SLC41A1: variants seen among roughly 807,000 people sequenced by gnomAD.
SLC41A1 encodes the protein solute carrier family 41 (magnesium transporter), member 1.
SLC41A1 carries 20 observed loss-of-function variants against 47.3 expected under a neutral mutation model. The observed-to-expected ratio is 0.42, with a 90% CI of 0.30 to 0.61. The LOEUF is 0.61. Ranked by LOEUF, SLC41A1 falls within the 20% of genes least tolerant of loss-of-function variation. The pLI, the probability that SLC41A1 is intolerant of heterozygous loss-of-function variation, is 0.17. For missense variants in SLC41A1, 504 were observed against 674.1 expected (o/e 0.75, Z 2.79); for synonymous variants, 282 against 272.7 (o/e 1.03, Z -0.34).
chr1:205,806,652 C>G (rs914074413), intron 2 of SLC41A1, among the ~76,000 whole-genome samples: 3 of 152,184 alleles, frequency 2.0e-5, no homozygotes, highest in Non-Finnish European at 2.9e-5. Flanking sequence ...AGCCTGCTTC[C>G]CTTCCAGATG....
intron 2 of SLC41A1, among the ~76,000 whole-genome samples, chr1:205,802,254 G>C (rs1055091456): frequency 6.6e-5 from 10 of 152,112 alleles, no homozygotes; most frequent in African/African-American, 2.4e-4. Context: ...TCTCCTACAG[G>C]AGACAGCAGG....
Position 205,791,629 on chromosome 1 carries a change from C to G in SLC41A1, c.1446G>C (p.Leu482Phe). 1.2e-6 allele frequency: 2 copies of G among 1,614,112 alleles called. No individual in the cohort carries two copies. Among genetic ancestry groups the G allele is most frequent in the Non-Finnish European group, 1.7e-6 (2 of 1,180,028 alleles). Residue 482 changes from leucine (L) to phenylalanine (F), a missense_variant, in exon 11 of 11, where the codon TTG becomes TTC. Transcript: ENST00000367137. The surrounding 1 kb of genome is among the most constrained non-coding windows in gnomAD (Gnocchi z 4.0). ...LDPDNFSIPY[L>F]TALGDLLGTG... is the part of the protein sequence containing the mutation. ...TGCCAAGCAGGTCCCCCAGAGCAGT[C>G]AAGTATGGGATGGAGAAGTTGTCCG...
chr1:205,790,831 T>G lies in SLC41A1; in HGVS notation c.*702A>C, dbSNP rs529235804. 1.3e-5 allele frequency: 2 copies of G among 153,976 alleles called. No homozygotes were observed. Among genetic ancestry groups the G allele is most frequent in the East Asian group, 3.8e-4 (2 of 5,196 alleles). The allele number at this position is 153,976 out of a possible 1,614,324, so 9.5% of individuals were successfully genotyped here. A position where few individuals can be genotyped will look rare whatever the true frequency, so the allele number is the denominator to read the frequency against. ...GAGAAGAGTGCACTGTTCCATTTTT[T>G]CCTGGATATGACAATCAACTGGAAA... On this transcript the variant is annotated 3_prime_UTR_variant, in exon 11 of 11. Coordinates refer to ENST00000367137, the MANE Select transcript of SLC41A1 (RefSeq NM_173854.6).
Position 205,791,709 on chromosome 1 carries a change from G to A in SLC41A1, c.1366C>T (p.Leu456Phe), listed in dbSNP as rs371831150. The A allele has an allele frequency of 3.1e-6, 5 of 1,613,694 alleles. No individual in the cohort carries two copies. In the Admixed American group the frequency reaches 6.7e-5, roughly 22 times the overall value. Residue 456 changes from leucine to phenylalanine, a missense_variant, in exon 11 of 11, where the codon CTC (leucine) becomes TTC (phenylalanine). Leu to Phe is a conservative substitution (Grantham distance 22). Around this residue, in one of 2 missense-constraint regions of SLC41A1, gnomAD observed 421 missense variants for 601.6 expected, o/e 0.70. Coordinates refer to ENST00000367137, the MANE Select transcript of SLC41A1 (RefSeq NM_173854.6). The surrounding 1 kb of genome is among the most constrained non-coding windows in gnomAD (Gnocchi z 4.0). ...ACCATCCAGTCTGCGATGTACAGGA[G>A]AATCAGCACCTGGGGAGACAAAAGG... Reference protein sequence around the residue: ...MTAALLQVLILLYIADWMVHW... With the variant: ...MTAALLQVLIFLYIADWMVHW...
At position 205,812,913 on chromosome 1, in the gene SLC41A1, T is replaced by A. The variant is rs1656193900; in HGVS notation, c.-752A>T. On this transcript the variant is annotated 5_prime_UTR_variant, in exon 1 of 11. Transcript: ENST00000367137. Reference sequence around the variant, plus strand: ...TCTTCTCATCACTCCTCCTCGACAGTCCTCCTTGGCCCCCGGCGTGCCCCC... The same window carrying A: ...TCTTCTCATCACTCCTCCTCGACAGACCTCCTTGGCCCCCGGCGTGCCCCC... The A allele has an allele frequency of 1.0e-6, 1 of 985,196 alleles. No homozygotes were observed. Among genetic ancestry groups the A allele is most frequent in the African/African-American group, 1.7e-5 (1 of 57,152 alleles). 61.0% of individuals were successfully genotyped at this position (985,196 alleles called of 1,614,324 possible).
In SLC41A1 at chr1:205,798,114, G is replaced by T. The variant is rs549568859; in HGVS notation, c.845-63C>A. 7.5e-6 allele frequency: 12 copies of T among 1,609,166 alleles called. No individual in the cohort carries two copies. In the African/African-American group the frequency reaches 1.5e-4, roughly 20 times the overall value. Reference sequence around the variant, plus strand: ...TTTCCCTACCCTAAGTTTCTCCCTGGCTCAGCCTGAAAATGTCCCAACAGA... The same window carrying T: ...TTTCCCTACCCTAAGTTTCTCCCTGTCTCAGCCTGAAAATGTCCCAACAGA... On this transcript the variant is annotated intron_variant, in intron 6 of 10. Coordinates refer to ENST00000367137, the MANE Select transcript of SLC41A1 (RefSeq NM_173854.6).
intron 8 of SLC41A1, 51 bp from the exon 9 acceptor site, chr1:205,795,529 T>C (rs1382890953): frequency 1.2e-6 from 2 of 1,605,088 alleles, no homozygotes. Context: ...GAGGGAGGAG[T>C]GGGAACAAAA....
At chr1:205,802,292 C>A (rs1297946767) in intron 2 of SLC41A1, among the ~76,000 whole-genome samples, 1 of 152,196 alleles carries the variant, frequency 6.6e-6, no homozygotes, top group African/African-American at 2.4e-5. Flanking sequence ...CTCCCCAGTA[C>A]ACCTCCTCAC....
intron 1 of SLC41A1, 120 bp downstream of exon 1, chr1:205,812,688 G>T (rs529844367): frequency 2.1e-6 from 2 of 953,942 alleles, no homozygotes; most frequent in Admixed American, 6.2e-5. Context: ...CGAGGAGGGA[G>T]AGAAAGTAAC....
chr1:205,794,325 T>A (rs1328310403), intron 10 of SLC41A1, among the ~76,000 whole-genome samples: 1 of 152,228 alleles, frequency 6.6e-6, no homozygotes, highest in African/African-American at 2.4e-5. Context: ...GAGAACTTCT[T>A]ACAAATCTGT....
At chr1:205,806,119 A>G (rs1039809749) in intron 2 of SLC41A1, among the ~76,000 whole-genome samples, 1 of 152,212 alleles carries the variant, frequency 6.6e-6, no homozygotes, top group Non-Finnish European at 1.5e-5. Context: ...GGCATCCTCT[A>G]GGTGTCCAGG....
chr1:205,810,262 A>C lies in SLC41A1; in HGVS notation c.180T>G (p.Val60=). The C allele has an allele frequency of 6.2e-7, 1 of 1,614,098 alleles. No homozygotes were observed. Among genetic ancestry groups the C allele is most frequent in the Non-Finnish European group, 8.5e-7 (1 of 1,180,010 alleles). Residue 60 remains valine (V), a synonymous_variant, in exon 2 of 11, where the codon GTT becomes GTG. Coordinates refer to ENST00000367137, the MANE Select transcript of SLC41A1 (RefSeq NM_173854.6). This position sits in a 1 kb window ranked among gnomAD's most constrained non-coding sequence, Gnocchi z 5.5. ...VIESRANAKG[V]REEDALLENG... is the part of the protein sequence containing the mutation. ...TCTCCAGCAGGGCGTCCTCCTCCCG[A>C]ACCCCCTTGGCGTTGGCCCGAGACT...
At chr1:205,800,726 C>A (rs1473522928) in intron 3 of SLC41A1, among the ~76,000 whole-genome samples, 3 of 152,118 alleles carry the variant, frequency 2.0e-5, no homozygotes, top group Non-Finnish European at 4.4e-5. Context: ...GCTGGGACAT[C>A]CAGAAACCAA....
Position 205,809,961 on chromosome 1 carries a change from G to A in SLC41A1, c.372+109C>T, listed in dbSNP as rs577900619. 18 of 1,489,552 alleles carry A rather than the reference G, an allele frequency of 1.2e-5. No individual in the cohort carries two copies. The South Asian group carries it at 1.9e-4, about 16-fold the overall frequency. The allele number at this position is 1,489,552 out of a possible 1,614,324, so 92.3% of individuals were successfully genotyped here. A position where few individuals can be genotyped will look rare whatever the true frequency, so the allele number is the denominator to read the frequency against. ...TGATCCAAAGGAAAACAGTATTCTA[G>A]GAAGCAGCAGCCACTTCTGACAGGG... On this transcript the variant is annotated intron_variant, in intron 2 of 10. Transcript: ENST00000367137.
At chr1:205,807,621 AGAC>A (rs1284655610) in intron 2 of SLC41A1, among the ~76,000 whole-genome samples, 2 of 151,158 alleles carry the variant, frequency 1.3e-5, no homozygotes, top group African/African-American at 4.9e-5. Context: ...CTTCAAGGAA[AGAC>A]AAAGAAAATA....
At chr1:205,794,377 A>G (rs988094125) in intron 10 of SLC41A1, among the ~76,000 whole-genome samples, 4 of 152,226 alleles carry the variant, frequency 2.6e-5, no homozygotes, top group Admixed American at 2.0e-4. Flanking sequence ...TAATAATACA[A>G]GAAGGGAGAA....
At chr1:205,792,614 T>C (rs1345453403) in intron 10 of SLC41A1, among the ~76,000 whole-genome samples, 1 of 152,156 alleles carries the variant, frequency 6.6e-6, no homozygotes, top group Non-Finnish European at 1.5e-5. Context: ...TTTAACAAGA[T>C]TTACATGCGC....
rs534062154 is a variant in SLC41A1 at position 205,799,781 on chromosome 1, G to A, written c.530C>T (p.Thr177Ile). 2 of 1,614,176 alleles carry A rather than the reference G, an allele frequency of 1.2e-6. No homozygotes were observed. The highest frequency in any genetic ancestry group is 1.7e-5 in the Admixed American group (1 of 60,024). ...DTPKELWRMITGNMALIQVQA... is the reference protein window; with the variant it reads ...DTPKELWRMIIGNMALIQVQA... The stretch of plus-strand genomic sequence containing the variant: ...TACCTGGATGAGGGCCATGTTCCCA[G>A]TGATCATCCGCCAGAGCTCCTTGGG... The change falls in exon 4 of 11, where the codon ACT (threonine) becomes ATT (isoleucine). Residue 177 changes from threonine to isoleucine, a missense_variant. Transcript: ENST00000367137.
Position 205,810,507 on chromosome 1 carries a change from A to T in SLC41A1, c.-66T>A. Reference sequence around the variant, plus strand: ...CTTTTTGCTTTCTCTCTTCTTCTCTAACTTGGGAAAGAACTTAGTCTTGGG... The same window carrying T: ...CTTTTTGCTTTCTCTCTTCTTCTCTTACTTGGGAAAGAACTTAGTCTTGGG... On this transcript the variant is annotated 5_prime_UTR_variant, in exon 2 of 11. Coordinates refer to ENST00000367137, the MANE Select transcript of SLC41A1 (RefSeq NM_173854.6). This position sits in a 1 kb window ranked among gnomAD's most constrained non-coding sequence, Gnocchi z 5.5. 1 of 1,611,802 alleles carries T rather than the reference A, an allele frequency of 6.2e-7. No homozygotes were observed. Among genetic ancestry groups the T allele is most frequent in the Non-Finnish European group, 8.5e-7 (1 of 1,179,880 alleles).
Sources: gnomAD v4.1 joint callset for allele counts (sites outside exome capture counted in the v4.1 genomes callset) on GRCh38, gnomAD v4.1.1 for gene constraint, gnomAD v4.1.1 regional missense constraint, Gnocchi (gnomAD v3.1) non-coding constraint, MANE v1.5 for transcripts, NCBI Gene and HGNC (gene_info 2026-07-23, HGNC 2026-07-21) for gene names.